Variants in SCHIP1 observed in about 807,000 individuals in gnomAD.
The protein encoded by SCHIP1 is schwannomin-interacting protein 1.
In SCHIP1, 8 loss-of-function variants were observed where a neutral mutation model predicts 29.7. The observed-to-expected ratio is 0.27, with a 90% CI of 0.16 to 0.49. The LOEUF is 0.49. SCHIP1 is among the 20% of genes least tolerant of loss of function. The probability of loss-of-function intolerance (pLI) is 0.99; values close to 1 mark genes in which losing one functional copy is unlikely to be tolerated. For missense variants in SCHIP1, 193 were observed against 294.6 expected (o/e 0.66, Z 2.52); for synonymous variants, 76 against 94.9 (o/e 0.80, Z 1.16).
the SCHIP1 span, among the ~76,000 whole-genome samples, chr3:159,820,182 A>C: frequency 6.6e-6 from 1 of 152,130 alleles, no homozygotes; most frequent in African/African-American, 2.4e-5. Flanking sequence ...GAACATTCTG[A>C]AAAAAAGACT....
At chr3:159,423,246 G>A in the SCHIP1 span, among the ~76,000 whole-genome samples, 8 of 152,244 alleles carry the variant, frequency 5.3e-5, no homozygotes, top group African/African-American at 1.7e-4. Context: ...AGGTGAAGCA[G>A]GGCGAGGCAT....
chr3:159,459,472 A>G, the SCHIP1 span, among the ~76,000 whole-genome samples: 1 of 152,124 alleles, frequency 6.6e-6, no homozygotes, highest in Non-Finnish European at 1.5e-5. Flanking sequence ...AGATATAGAA[A>G]TGTCCTTGCC....
chr3:159,518,214 A>C, the SCHIP1 span, among the ~76,000 whole-genome samples: 2 of 152,118 alleles, frequency 1.3e-5, no homozygotes, highest in African/African-American at 2.4e-5. Context: ...TATTGTTTTA[A>C]ATACATCCAT....
the SCHIP1 span, among the ~76,000 whole-genome samples, chr3:159,279,685 T>TC: frequency 0.41 from 61,617 of 151,672 alleles, 12,738 homozygotes; most frequent in African/African-American, 0.44. Flanking sequence ...ATTTCAGTCT[T>TC]CAGGTTGCAA....
At chr3:159,617,712 A>AC in the SCHIP1 span, among the ~76,000 whole-genome samples, 417 of 151,372 alleles carry the variant, frequency 2.8e-3, 2 homozygotes, top group African/African-American at 9.0e-3. Context: ...ACCATTTACT[A>AC]CCCCCCCTAG....
the SCHIP1 span, among the ~76,000 whole-genome samples, chr3:159,281,477 C>G: frequency 6.6e-6 from 1 of 152,080 alleles, no homozygotes; most frequent in Admixed American, 6.6e-5. Flanking sequence ...TTTTCAGTGT[C>G]AAGAGCTAAA....
the SCHIP1 span, among the ~76,000 whole-genome samples, chr3:159,826,143 T>C: frequency 2.0e-5 from 3 of 152,144 alleles, no homozygotes; most frequent in South Asian, 6.2e-4. Flanking sequence ...TCTGATTATG[T>C]TTTTAGAAGT....
the SCHIP1 span, among the ~76,000 whole-genome samples, chr3:159,326,473 C>G: frequency 0.24 from 36,430 of 151,640 alleles, 4,718 homozygotes; most frequent in African/African-American, 0.33. Context: ...ATGTGATAGA[C>G]TGAATTATCT....
At chr3:159,521,197 T>G in the SCHIP1 span, among the ~76,000 whole-genome samples, 1 of 152,224 alleles carries the variant, frequency 6.6e-6, no homozygotes, top group Non-Finnish European at 1.5e-5. Context: ...TCCTTGGACA[T>G]GTATAGTCAG....
the SCHIP1 span, among the ~76,000 whole-genome samples, chr3:159,676,872 C>T: frequency 6.6e-6 from 1 of 152,106 alleles, no homozygotes; most frequent in Non-Finnish European, 1.5e-5. Context: ...ATAATAGTTC[C>T]TTGAAAAGAA....
chr3:159,382,569 G>C, the SCHIP1 span, among the ~76,000 whole-genome samples: 21 of 152,210 alleles, frequency 1.4e-4, 1 homozygote, highest in East Asian at 9.7e-4. Context: ...ATAAACATAC[G>C]TGTGCATGTG....
chr3:159,551,254 G>A, the SCHIP1 span, among the ~76,000 whole-genome samples: 5 of 152,154 alleles, frequency 3.3e-5, no homozygotes, highest in Admixed American at 2.0e-4. Flanking sequence ...AACAGGGGAA[G>A]CAATTCCTTT....
chr3:159,424,051 C>G, the SCHIP1 span, among the ~76,000 whole-genome samples: 1 of 49,136 alleles, frequency 2.0e-5, no homozygotes, highest in East Asian at 1.3e-3. Flanking sequence ...ACACCAAAAA[C>G]CCATCAAAAA....
At chr3:159,393,338 T>C in the SCHIP1 span, among the ~76,000 whole-genome samples, 1 of 152,164 alleles carries the variant, frequency 6.6e-6, no homozygotes. Context: ...TTTGTCAATT[T>C]TGGCTTTTCT....
At chr3:159,349,790 T>G in the SCHIP1 span, among the ~76,000 whole-genome samples, 83 of 152,316 alleles carry the variant, frequency 5.4e-4, no homozygotes, top group South Asian at 8.3e-4. Flanking sequence ...CTCATGTTCC[T>G]TATGTTTAAA....
chr3:159,431,793 G>A, the SCHIP1 span, among the ~76,000 whole-genome samples: 80 of 146,780 alleles, frequency 5.5e-4, no homozygotes, highest in African/African-American at 2.0e-3. Context: ...TGATGACAGA[G>A]CAAGATTCCA....
At chr3:159,478,525 G>A in the SCHIP1 span, among the ~76,000 whole-genome samples, 1 of 152,034 alleles carries the variant, frequency 6.6e-6, no homozygotes, top group African/African-American at 2.4e-5. Context: ...AATGACTCCA[G>A]GTTTGTTCCT....
chr3:159,411,551 T>C, the SCHIP1 span, among the ~76,000 whole-genome samples: 1 of 152,162 alleles, frequency 6.6e-6, no homozygotes, highest in African/African-American at 2.4e-5. Flanking sequence ...ATACACCGAA[T>C]GATTAAATAA....
chr3:159,590,579 A>C, the SCHIP1 span, among the ~76,000 whole-genome samples: 2 of 149,816 alleles, frequency 1.3e-5, no homozygotes, highest in African/African-American at 5.1e-5. Flanking sequence ...CCATCTTGAA[A>C]AAAATAAATA....
Sources: gnomAD v4.1 joint callset for allele counts (sites outside exome capture counted in the v4.1 genomes callset) on GRCh38, gnomAD v4.1.1 for gene constraint, MANE v1.5 for transcripts, NCBI Gene and HGNC (gene_info 2026-07-23, HGNC 2026-07-21) for gene names.